The following SDHA variants were observed in gnomAD, a reference collection of about 807,000 sequenced individuals.
SDHA encodes succinate dehydrogenase complex flavoprotein subunit A.
Under a neutral mutation model 78.4 loss-of-function variants are expected in SDHA, and 48 were observed. That is an observed-to-expected ratio of 0.61 (90% CI 0.49 to 0.78). The LOEUF is 0.78. SDHA is among the 30% of genes least tolerant of loss of function. The pLI is 0.00. For missense variants in SDHA, 680 were observed against 892.7 expected (o/e 0.76, Z 3.04); for synonymous variants, 326 against 353.9 (o/e 0.92, Z 0.88).
At chr5:221,913 C>A (rs567945135) in intron 1 of SDHA, among the ~76,000 whole-genome samples, 1 of 151,992 alleles carries the variant, frequency 6.6e-6, no homozygotes, top group African/African-American at 2.4e-5. Flanking sequence ...GGGGGGTGGG[C>A]AGTGGGTCTT....
At chr5:228,451 A>G in intron 6 of SDHA, 118 bp downstream of exon 6, 2 of 1,144,394 alleles carry the variant, frequency 1.7e-6, no homozygotes, top group Non-Finnish European at 2.5e-6. Flanking sequence ...ACAGGCCTTG[A>G]TATAACCATG....
the SDHA span, among the ~76,000 whole-genome samples, chr5:267,401 C>T: frequency 3.9e-5 from 6 of 152,152 alleles, no homozygotes; most frequent in East Asian, 1.9e-4. Flanking sequence ...AGAAAATAAG[C>T]GAACAAAGTG....
intron 11 of SDHA, chr5:249,503 G>C (rs529390539): frequency 6.5e-6 from 1 of 154,444 alleles, no homozygotes; most frequent in African/African-American, 2.4e-5. Context: ...ACCGTTTAAG[G>C]CATTCTTAAA....
Position 256,823 on chromosome 5 carries a change from C to A in SDHA, c.*403C>A. Reference sequence around the variant, plus strand: ...TTTGTATAGTTTCTTTTTTCTTTTTCTTTTCTTTTTTTTTTTTGAGACAGG... The same window carrying A: ...TTTGTATAGTTTCTTTTTTCTTTTTATTTTCTTTTTTTTTTTTGAGACAGG... On this transcript the variant is annotated 3_prime_UTR_variant, in exon 15 of 15. Coordinates refer to ENST00000264932, the MANE Select transcript of SDHA (RefSeq NM_004168.4). 3 of 226,408 alleles carry A rather than the reference C, an allele frequency of 1.3e-5. No homozygotes were observed. Among genetic ancestry groups the A allele is most frequent in the African/African-American group, 2.7e-5 (1 of 37,402 alleles). The allele number at this position is 226,408 out of a possible 1,614,324, so 14.0% of individuals were successfully genotyped here.
In SDHA at chr5:227,995, C is replaced by G. The variant is rs181530846; in HGVS notation, c.622-190C>G. On this transcript the variant is annotated intron_variant, in intron 5 of 14. Coordinates refer to ENST00000264932, the MANE Select transcript of SDHA (RefSeq NM_004168.4). ...CTGCTGCGTTCTCTAGCACACCTGC[C>G]TTGTCTGTACTGCTCGGCGTGGAAT... The G allele has an allele frequency of 2.2e-4, 137 of 615,434 alleles. 1 individual carries two copies. Among genetic ancestry groups the G allele is most frequent in the African/African-American group, 2.1e-3 (116 of 54,226 alleles). 38.1% of individuals were successfully genotyped at this position (615,434 alleles called of 1,614,324 possible).
At chr5:252,104 G>T (rs1372679552) in intron 13 of SDHA, among the ~76,000 whole-genome samples, 1 of 150,464 alleles carries the variant, frequency 6.6e-6, no homozygotes, top group African/African-American at 2.4e-5. Context: ...AACCTGCCCT[G>T]TGGAGGAAAT....
At chr5:259,730 G>C (rs1393629465), downstream of SDHA, among the ~76,000 whole-genome samples, 1 of 28,654 alleles carries the variant, frequency 3.5e-5, no homozygotes, top group East Asian at 6.0e-4. Flanking sequence ...CCTCCCGTCC[G>C]AGCATTACCG....
rs1735768781 is a variant in SDHA, at chr5:236,255, C to G, written c.1261-173C>G. 7 of 689,302 alleles carry G rather than the reference C, an allele frequency of 1.0e-5. No homozygotes were observed. In the Admixed American group the frequency reaches 1.4e-4, roughly 14 times the overall value. The allele number at this position is 689,302 out of a possible 1,614,324, so 42.7% of individuals were successfully genotyped here. Reference sequence around the variant, plus strand: ...AGCCAGACAGGTCTTGAACCCCTGACCTCAGGTGATCACCCACCTCAGCCT... The same window carrying G: ...AGCCAGACAGGTCTTGAACCCCTGAGCTCAGGTGATCACCCACCTCAGCCT... On this transcript the variant is annotated intron_variant, in intron 9 of 14. Transcript: ENST00000264932.
intron 6 of SDHA, among the ~76,000 whole-genome samples, chr5:229,677 G>A (rs1735261709): frequency 6.6e-6 from 1 of 152,196 alleles, no homozygotes; most frequent in South Asian, 2.1e-4. Context: ...ACAACATGGT[G>A]GCTATAGTTA....
rs970738935 is a variant in SDHA at position 230,045 on chromosome 5, G to A, written c.771-831G>A. On this transcript the variant is annotated intron_variant, in intron 6 of 14. Coordinates refer to ENST00000264932, the MANE Select transcript of SDHA (RefSeq NM_004168.4). ...AATATTATACAGCATGGTGGCTATC[G>A]TTAATATTATAACTTGAAATTTGCG... 7.9e-5 allele frequency among the ~76,000 whole-genome samples: 12 copies of A among 152,330 alleles called. No individual in the cohort carries two copies. The East Asian group carries it at 1.7e-3, about 22-fold the overall frequency.
chr5:229,047 A>C (rs533958078), intron 6 of SDHA, among the ~76,000 whole-genome samples: 75 of 152,202 alleles, frequency 4.9e-4, no homozygotes, highest in Non-Finnish European at 9.7e-4. Context: ...GAGAAATGCA[A>C]ATTAAAACCC....
At chr5:252,690 T>C (rs62344338) in intron 13 of SDHA, among the ~76,000 whole-genome samples, 5,406 of 90,868 alleles carry the variant, frequency 0.059, 186 homozygotes, top group African/African-American at 0.25. Context: ...AATGAGTAAG[T>C]CACCGTTTCA....
At chr5:252,805 G>A (rs1394860281) in intron 13 of SDHA, among the ~76,000 whole-genome samples, 281 of 147,206 alleles carry the variant, frequency 1.9e-3, no homozygotes, top group African/African-American at 6.9e-3. Context: ...GTAAGCCACC[G>A]TTTCAGACCT....
At chr5:221,238 A>G (rs1734696400) in intron 1 of SDHA, among the ~76,000 whole-genome samples, 1 of 152,224 alleles carries the variant, frequency 6.6e-6, no homozygotes, top group Non-Finnish European at 1.5e-5. Context: ...TTTCCATGAA[A>G]GCAATTCCTG....
At chr5:257,140 G>A (rs1023006375), downstream of SDHA, among the ~76,000 whole-genome samples, 2 of 152,170 alleles carry the variant, frequency 1.3e-5, no homozygotes, top group African/African-American at 2.4e-5. Context: ...GCCTGAGAAC[G>A]AATGGAGAAA....
At chr5:257,193 G>C (rs1379052791), downstream of SDHA, among the ~76,000 whole-genome samples, 1 of 152,192 alleles carries the variant, frequency 6.6e-6, no homozygotes, top group Non-Finnish European at 1.5e-5. Context: ...TTTACTAGGT[G>C]AGTGTGTCCT....
intron 1 of SDHA, among the ~76,000 whole-genome samples, chr5:219,390 T>TA (rs1217541853): frequency 6.6e-6 from 1 of 152,218 alleles, no homozygotes; most frequent in African/African-American, 2.4e-5. Flanking sequence ...TAAATGAACT[T>TA]ACCCACCCAC....
rs559007938 is a variant in SDHA, at chr5:251,562, G to A, written c.1794+94G>A. 3.1e-5 allele frequency: 49 copies of A among 1,595,502 alleles called. No homozygotes were observed. The East Asian group carries it at 3.1e-4, about 10-fold the overall frequency. ...CTGCATTTTCTCTGCATTTTCTTTC[G>A]TTGCCCCAAAAGTAAATCCAAAAAA... On this transcript the variant is annotated intron_variant, in intron 13 of 14. Transcript: ENST00000264932.
chr5:227,638 G>A (rs545420265), intron 5 of SDHA: 54 of 184,640 alleles, frequency 2.9e-4, no homozygotes, highest in African/African-American at 1.3e-3. Flanking sequence ...TGAGGGAACG[G>A]CAGGTCCAGG....
Sources: allele counts gnomAD v4.1 joint callset (sites outside exome capture counted in the v4.1 genomes callset), GRCh38; gene constraint gnomAD v4.1.1; transcripts MANE v1.5; gene names NCBI Gene and HGNC (gene_info 2026-07-23, HGNC 2026-07-21).